Variants in LCP1 observed in about 807,000 individuals in gnomAD.
The protein encoded by LCP1 is plastin-2.
Under a neutral mutation model 72.0 loss-of-function variants are expected in LCP1, and 23 were observed. The observed-to-expected ratio is 0.32, with a 90% CI of 0.23 to 0.45. LCP1 has a LOEUF of 0.45. Ranked by LOEUF, LCP1 falls within the 20% of genes least tolerant of loss-of-function variation. The pLI is 1.00. For synonymous variants in LCP1, 245 were observed against 275.4 expected (o/e 0.89, Z 1.09); for missense variants, 571 against 748.3 (o/e 0.76, Z 2.76).
intron 1 of LCP1, among the ~76,000 whole-genome samples, chr13:46,181,792 G>A (rs564966086): frequency 3.3e-5 from 5 of 152,298 alleles, no homozygotes; most frequent in African/African-American, 4.8e-5. Flanking sequence ...AATAGCCTCC[G>A]TGAAATAGAG....
chr13:46,146,951 C>T lies in LCP1; in HGVS notation c.1131G>A (p.Leu377=), dbSNP rs1593950349. Residue 377 remains leucine (L), a synonymous_variant, in exon 10 of 16, where the codon CTG becomes CTA. Transcript: ENST00000323076. ...CAATGTCCTGGTTCTCTGGTTTGTG[C>T]AGGGCAGGGTATCTGTTAAAGAGGT... ...IANLFNRYPA[L]HKPENQDIDW... The T allele has an allele frequency of 1.2e-6, 2 of 1,614,126 alleles. No homozygotes were observed. Among genetic ancestry groups the T allele is most frequent in the Non-Finnish European group, 1.7e-6 (2 of 1,180,020 alleles).
rs753872336 is a variant in LCP1, at chr13:46,147,076, A to C, written c.1006T>G (p.Cys336Gly). Residue 336 changes from cysteine to glycine, a missense_variant, in exon 10 of 16, where the codon TGC becomes GGC. Cys to Gly is a radical substitution (Grantham distance 159). Transcript: ENST00000323076. ...REKDDIQRAE[C>G]MLQQAERLGC... ...AGCCTCTCCGCCTGCTGCAGCATGC[A>C]TTCTGCCCTCTGGATGTCATCCTTC... 6.2e-7 allele frequency: 1 copy of C among 1,605,514 alleles called. No homozygotes were observed. Among genetic ancestry groups the C allele is most frequent in the Non-Finnish European group, 8.5e-7 (1 of 1,176,492 alleles).
intron 1 of LCP1, among the ~76,000 whole-genome samples, chr13:46,181,587 A>G (rs1026943449): frequency 6.6e-6 from 1 of 152,184 alleles, no homozygotes; most frequent in East Asian, 1.9e-4. Context: ...AAATCACTCA[A>G]ATAACCAGTA....
chr13:46,174,346 A>G (rs2045918002), intron 1 of LCP1, among the ~76,000 whole-genome samples: 1 of 152,240 alleles, frequency 6.6e-6, no homozygotes, highest in South Asian at 2.1e-4. Flanking sequence ...ATATTTACCA[A>G]TACCAACGTA....
At position 46,154,800 on chromosome 13, in the gene LCP1, C is replaced by T. The variant is rs1178016025; in HGVS notation, c.573+5G>A. 1 of 1,610,154 alleles carries T rather than the reference C, an allele frequency of 6.2e-7. No homozygotes were observed. The highest frequency in any genetic ancestry group is 8.5e-7 in the Non-Finnish European group (1 of 1,176,538). On this transcript the variant is annotated splice_donor_5th_base_variant and intron_variant, in intron 6 of 15. Coordinates refer to ENST00000323076, the MANE Select transcript of LCP1 (RefSeq NM_002298.5). ...CTGTATTATGGTAACGGTGGGAAGA[C>T]ATACCTGAATGGTGAAAGGGGTTAG...
At chr13:46,145,043 G>C (rs1283828352) in intron 10 of LCP1, among the ~76,000 whole-genome samples, 1 of 152,150 alleles carries the variant, frequency 6.6e-6, no homozygotes, top group Non-Finnish European at 1.5e-5. Context: ...TGCATACAAA[G>C]GGAGCAACAG....
chr13:46,130,735 T>G, intron 15 of LCP1, 79 bp downstream of exon 15: 1 of 1,509,674 alleles, frequency 6.6e-7, no homozygotes, highest in South Asian at 1.2e-5. Flanking sequence ...TATAAAGGCA[T>G]GAGCATTAGA....
chr13:46,159,571 T>G (rs1180769480), intron 2 of LCP1, 28 bp downstream of exon 2: 9 of 1,589,216 alleles, frequency 5.7e-6, no homozygotes, highest in Non-Finnish European at 7.8e-6. Flanking sequence ...AAGAGAATGA[T>G]GCAATTTGGG....
At chr13:46,164,249 C>G (rs922108293) in intron 1 of LCP1, among the ~76,000 whole-genome samples, 1 of 152,064 alleles carries the variant, frequency 6.6e-6, no homozygotes, top group African/African-American at 2.4e-5. Flanking sequence ...CTAAGTGTCA[C>G]AAGTAGGGCC....
intron 13 of LCP1, 115 bp downstream of exon 13, chr13:46,142,177 A>G: frequency 9.2e-7 from 1 of 1,081,978 alleles, no homozygotes; most frequent in Non-Finnish European, 1.3e-6. Context: ...TCTGGTTATG[A>G]AGCTTAGCTT....
chr13:46,164,065 A>G (rs957484157), intron 1 of LCP1, among the ~76,000 whole-genome samples: 1 of 152,252 alleles, frequency 6.6e-6, no homozygotes, highest in African/African-American at 2.4e-5. Flanking sequence ...AAGCACGTCT[A>G]TATTGACCCA....
chr13:46,139,504 T>G (rs9316186), intron 13 of LCP1, among the ~76,000 whole-genome samples: 43,472 of 152,114 alleles, frequency 0.29, 7,269 homozygotes, highest in African/African-American at 0.45. Flanking sequence ...CCATTATCTT[T>G]CCAGACAGAA....
At chr13:46,164,185 C>A in intron 1 of LCP1, among the ~76,000 whole-genome samples, 1 of 152,100 alleles carries the variant, frequency 6.6e-6, no homozygotes, top group East Asian at 1.9e-4. Context: ...GATTTTAGAG[C>A]GCTATCAGCA....
At chr13:46,142,850 A>G in intron 12 of LCP1, 1 of 438,376 alleles carries the variant, frequency 2.3e-6, no homozygotes, top group Non-Finnish European at 4.5e-6. Flanking sequence ...ATGGATCATT[A>G]ACAGTCACGG....
rs574028953 is a variant in LCP1, at chr13:46,132,295, T to G, written c.1627-1357A>C. Reference sequence around the variant, plus strand: ...ATGTAATGGGCTGGAGCAGCAGCTATTTTACGGAGAGAAGCACCCCTGGGC... The same window carrying G: ...ATGTAATGGGCTGGAGCAGCAGCTAGTTTACGGAGAGAAGCACCCCTGGGC... On this transcript the variant is annotated intron_variant, in intron 14 of 15. Coordinates refer to ENST00000323076, the MANE Select transcript of LCP1 (RefSeq NM_002298.5). 1.3e-4 allele frequency among the ~76,000 whole-genome samples: 20 copies of G among 152,228 alleles called. No homozygotes were observed. The East Asian group carries it at 3.7e-3, about 28-fold the overall frequency.
At position 46,155,372 on chromosome 13, in the gene LCP1, T is replaced by C. The variant is rs115189635; in HGVS notation, c.492-486A>G. On this transcript the variant is annotated intron_variant, in intron 5 of 15. Transcript: ENST00000323076. ...TTATATCCTTCTCAGTGCCCTAGGC[T>C]GAGTACCAATGAGTCACAGGGGTCT... Among the ~76,000 whole-genome samples the C allele has an allele frequency of 4.1e-3, 620 of 152,328 alleles. 3 individuals carry two copies. The highest frequency in any genetic ancestry group is 0.024 in the Middle Eastern group (7 of 294).
chr13:46,174,913 A>G (rs1024839338), intron 1 of LCP1, among the ~76,000 whole-genome samples: 2 of 152,180 alleles, frequency 1.3e-5, no homozygotes, highest in African/African-American at 2.4e-5. Flanking sequence ...AACACAAAAA[A>G]GTATATAGAC....
At chr13:46,154,712 A>G (rs1480032638) in intron 6 of LCP1, 93 bp downstream of exon 6, 1 of 982,908 alleles carries the variant, frequency 1.0e-6, no homozygotes, top group African/African-American at 1.6e-5. Flanking sequence ...TTTGCGAATG[A>G]TGTCTGAGCC....
intron 6 of LCP1, among the ~76,000 whole-genome samples, chr13:46,154,241 G>A (rs1003178014): frequency 6.6e-6 from 1 of 152,182 alleles, no homozygotes; most frequent in Admixed American, 6.5e-5. Context: ...AGGAGATAAT[G>A]TATCGTTCAT....
Sources: allele counts gnomAD v4.1 joint callset (sites outside exome capture counted in the v4.1 genomes callset), GRCh38; gene constraint gnomAD v4.1.1; transcripts MANE v1.5; gene names NCBI Gene and HGNC (gene_info 2026-07-23, HGNC 2026-07-21).